The following PPP1R1C variants were observed in gnomAD, a reference collection of about 807,000 sequenced individuals.
PPP1R1C encodes the protein protein phosphatase 1 regulatory inhibitor subunit 1C, also known as protein phosphatase 1 regulatory subunit 1C.
In PPP1R1C, 15 loss-of-function variants were observed where a neutral mutation model predicts 17.4. That is an observed-to-expected ratio of 0.86 (90% CI 0.58 to 1.33). The LOEUF (loss-of-function observed/expected upper bound fraction) is 1.33, where lower values mean the gene tolerates loss of function less well. PPP1R1C is among the 40% of genes most tolerant of loss of function. PPP1R1C has a pLI of 0.00. For synonymous variants in PPP1R1C, 35 were observed against 43.1 expected (o/e 0.81, Z 0.73); for missense variants, 143 against 130.0 (o/e 1.10, Z -0.48).
At chr2:182,128,924 C>T (rs550230916) in intron 5 of PPP1R1C, 1 of 152,092 alleles carries the variant, frequency 6.6e-6, no homozygotes, top group Admixed American at 6.6e-5. Context: ...GTATTAAATC[C>T]TCTGGAAAGT....
chr2:182,067,527 G>C lies in PPP1R1C; in HGVS notation c.241+3736G>C, dbSNP rs546674540. On this transcript the variant is annotated intron_variant, in intron 4 of 4. Coordinates refer to ENST00000682840, the MANE Select transcript of PPP1R1C (RefSeq NM_001080545.3). ...CAAATGAAACATGATCTTCCAATCA[G>C]GGAAAACTGCTGATCATGGTGATTT... 6.6e-5 allele frequency among the ~76,000 whole-genome samples: 10 copies of C among 152,176 alleles called. No individual in the cohort carries two copies. The South Asian group carries it at 1.9e-3, about 28-fold the overall frequency.
At chr2:181,990,750 T>C (rs188205625) in intron 2 of PPP1R1C, among the ~76,000 whole-genome samples, 14 of 152,260 alleles carry the variant, frequency 9.2e-5, no homozygotes, top group African/African-American at 3.1e-4. Context: ...ACAAAACAAA[T>C]AAGAGTAACA....
At chr2:181,959,865 T>C (rs952829826) in intron 1 of PPP1R1C, among the ~76,000 whole-genome samples, 1 of 152,144 alleles carries the variant, frequency 6.6e-6, no homozygotes, top group African/African-American at 2.4e-5. Context: ...GTTTTAGGAC[T>C]CTGCAGTATC....
intron 1 of PPP1R1C, 150 bp downstream of exon 1, chr2:181,986,341 T>C: frequency 1.6e-6 from 1 of 643,772 alleles, no homozygotes; most frequent in Non-Finnish European, 2.7e-6. Flanking sequence ...TTTTTACACA[T>C]ACTTGTATTT....
chr2:182,014,944 G>T (rs1414441568), intron 2 of PPP1R1C, among the ~76,000 whole-genome samples: 1 of 152,082 alleles, frequency 6.6e-6, no homozygotes, highest in Non-Finnish European at 1.5e-5. Context: ...CTTCAGGGCA[G>T]TGTGGGCTCC....
chr2:182,020,678 T>TC (rs1207825040), intron 2 of PPP1R1C, among the ~76,000 whole-genome samples: 9 of 152,170 alleles, frequency 5.9e-5, no homozygotes, highest in African/African-American at 2.2e-4. Context: ...ATCCTCTCTT[T>TC]CCCCACTGTC....
intron 4 of PPP1R1C, among the ~76,000 whole-genome samples, chr2:182,083,833 A>G (rs533414793): frequency 9.8e-5 from 15 of 152,314 alleles, no homozygotes; most frequent in South Asian, 6.2e-4. Flanking sequence ...TCTTCGAGAA[A>G]TCTCCATACT....
intron 2 of PPP1R1C, among the ~76,000 whole-genome samples, chr2:182,059,939 A>G (rs556712213): frequency 6.6e-6 from 1 of 152,104 alleles, no homozygotes; most frequent in East Asian, 1.9e-4. Context: ...GCAAAATATT[A>G]AGGAACCCCA....
intron 2 of PPP1R1C, among the ~76,000 whole-genome samples, chr2:182,036,947 C>T (rs1473290244): frequency 6.6e-6 from 1 of 151,994 alleles, no homozygotes; most frequent in Non-Finnish European, 1.5e-5. Context: ...TTAGAAATAA[C>T]ACAAAGGTGA....
upstream of PPP1R1C, among the ~76,000 whole-genome samples, chr2:181,984,395 T>C (rs765013403): frequency 1.3e-5 from 2 of 152,230 alleles, no homozygotes; most frequent in Non-Finnish European, 2.9e-5. Context: ...TTTCCTTTTA[T>C]ATAATTTGAA....
chr2:182,107,080 C>G (rs114137787), intron 4 of PPP1R1C, among the ~76,000 whole-genome samples: 2,283 of 152,296 alleles, frequency 0.015, 34 homozygotes, highest in South Asian at 0.059. Flanking sequence ...GCTATGAATT[C>G]AACATCTTTT....
intron 4 of PPP1R1C, among the ~76,000 whole-genome samples, chr2:182,075,854 T>G (rs562779698): frequency 6.6e-6 from 1 of 152,190 alleles, no homozygotes; most frequent in Non-Finnish European, 1.5e-5. Context: ...GATGATAAGC[T>G]TTGCCTCAAC....
intron 5 of PPP1R1C, among the ~76,000 whole-genome samples, chr2:182,124,489 G>T (rs1689826358): frequency 6.6e-6 from 1 of 151,878 alleles, no homozygotes; most frequent in African/African-American, 2.4e-5. Flanking sequence ...ACTTTGGGCA[G>T]TATGGCCATT....
At chr2:181,971,973 G>A (rs990022301) in intron 1 of PPP1R1C, among the ~76,000 whole-genome samples, 13 of 152,300 alleles carry the variant, frequency 8.5e-5, no homozygotes, top group Non-Finnish European at 1.3e-4. Flanking sequence ...CAATTCAAGC[G>A]TATCTTTACT....
At chr2:181,979,031 A>G (rs959742972) in intron 2 of PPP1R1C, among the ~76,000 whole-genome samples, 17 of 152,202 alleles carry the variant, frequency 1.1e-4, no homozygotes, top group African/African-American at 4.1e-4. Flanking sequence ...GTTTTCATGA[A>G]TTACCTCTTG....
intron 4 of PPP1R1C, among the ~76,000 whole-genome samples, chr2:182,066,952 CTGTGTGTGTGTGTGTTTGTG>C (rs1303721300): frequency 1.4e-5 from 2 of 148,070 alleles, no homozygotes; most frequent in Non-Finnish European, 3.0e-5. Context: ...GTGTGTGTGT[CTGTGTGTGTGTGTGTTTGTG>C]TGTGTGTGTG....
chr2:181,959,939 G>A (rs1269433242), intron 1 of PPP1R1C, among the ~76,000 whole-genome samples: 1 of 152,106 alleles, frequency 6.6e-6, no homozygotes, highest in African/African-American at 2.4e-5. Flanking sequence ...ATTGTAGGAG[G>A]CTCCAATGAT....
At chr2:182,034,707 A>G (rs1035054877) in intron 2 of PPP1R1C, among the ~76,000 whole-genome samples, 4 of 152,222 alleles carry the variant, frequency 2.6e-5, no homozygotes, top group African/African-American at 9.6e-5. Context: ...GCGAATGTCA[A>G]TAAGTGGGCA....
intron 2 of PPP1R1C, among the ~76,000 whole-genome samples, chr2:182,037,086 T>G (rs1421847060): frequency 6.6e-6 from 1 of 152,176 alleles, no homozygotes; most frequent in East Asian, 1.9e-4. Flanking sequence ...ATACATAAAA[T>G]AGCTTTTAGA....
Sources: gnomAD v4.1 joint callset for allele counts (sites outside exome capture counted in the v4.1 genomes callset) on GRCh38, gnomAD v4.1.1 for gene constraint, MANE v1.5 for transcripts, NCBI Gene and HGNC (gene_info 2026-07-23, HGNC 2026-07-21) for gene names.